Variants in SGCZ observed in about 807,000 individuals in gnomAD.
The protein encoded by SGCZ is sarcoglycan zeta.
Under a neutral mutation model 41.3 loss-of-function variants are expected in SGCZ, and 40 were observed. The ratio of observed to expected loss-of-function variants is 0.97; its 90% CI spans 0.75 to 1.26. The LOEUF (loss-of-function observed/expected upper bound fraction) is 1.26, where lower values mean the gene tolerates loss of function less well. SGCZ is among the 50% of genes most tolerant of loss of function. The probability of loss-of-function intolerance (pLI) is 0.00; values close to 1 mark genes in which losing one functional copy is unlikely to be tolerated. For missense variants in SGCZ, 552 were observed against 369.8 expected, an observed-to-expected ratio of 1.49 and a Z score of -4.04; for synonymous variants, 206 against 137.5, an observed-to-expected ratio of 1.50 and a Z score of -3.49.
At chr8:15,047,798 G>A (rs1241543127) in intron 1 of SGCZ, among the ~76,000 whole-genome samples, 6 of 151,798 alleles carry the variant, frequency 4.0e-5, no homozygotes, top group African/African-American at 7.3e-5. Context: ...TCATCGTACC[G>A]CAGTTAAAGT....
intron 1 of SGCZ, among the ~76,000 whole-genome samples, chr8:15,106,308 G>A (rs10503532): frequency 0.048 from 7,352 of 152,048 alleles, 236 homozygotes; most frequent in Non-Finnish European, 0.077. Context: ...TATAAGACAA[G>A]TTTTGAGAAC....
In SGCZ at chr8:14,978,470, CAAAAAAAAAAAAAAAAAAAAAAA is replaced by C. The variant is rs59543494; in HGVS notation, c.39+259092_39+259114del. On this transcript the variant is annotated intron_variant, in intron 1 of 7. Coordinates refer to ENST00000382080, the MANE Select transcript of SGCZ (RefSeq NM_139167.4). ...TGGAGGACCGAGTGAGACACCGTCACAAAAAAAAAAAAAAAAAAAAAAAAAAAAAAAAAAAATTGTATCTGCTT... is the reference window on the plus strand; with the variant it reads ...TGGAGGACCGAGTGAGACACCGTCACAAAAAAAAAAAAATTGTATCTGCTT... Among the ~76,000 whole-genome samples, 8 of 62,826 alleles carry C rather than the reference CAAAAAAAAAAAAAAAAAAAAAAA, an allele frequency of 1.3e-4. No homozygotes were observed. The East Asian group carries it at 4.8e-3, about 38-fold the overall frequency. 41.2% of individuals were successfully genotyped at this position (62,826 alleles called of 152,430 possible).
intron 4 of SGCZ, among the ~76,000 whole-genome samples, chr8:14,218,816 G>A (rs528756272): frequency 8.5e-4 from 129 of 152,330 alleles, no homozygotes; most frequent in African/African-American, 2.9e-3. Flanking sequence ...AATGTACAGT[G>A]TTGTGGTGGT....
intron 2 of SGCZ, among the ~76,000 whole-genome samples, chr8:14,469,031 G>A (rs1801133403): frequency 6.6e-6 from 1 of 151,102 alleles, no homozygotes; most frequent in East Asian, 1.9e-4. Context: ...CTCTTGGCCT[G>A]TTTCTTTCTA....
chr8:14,466,497 T>C (rs1801054535), intron 2 of SGCZ, among the ~76,000 whole-genome samples: 1 of 151,976 alleles, frequency 6.6e-6, no homozygotes, highest in Admixed American at 6.6e-5. Flanking sequence ...CCTTGGATCT[T>C]TATACTCTTG....
intron 2 of SGCZ, among the ~76,000 whole-genome samples, chr8:14,443,640 C>T (rs1800341552): frequency 6.6e-6 from 1 of 152,150 alleles, no homozygotes; most frequent in South Asian, 2.1e-4. Context: ...CCCTTCCTTA[C>T]ACCTTATATA....
intron 2 of SGCZ, among the ~76,000 whole-genome samples, chr8:14,450,681 G>T (rs2117401218): frequency 6.6e-6 from 1 of 152,246 alleles, no homozygotes; most frequent in East Asian, 1.9e-4. Context: ...TGACCACTTA[G>T]ATTTTAATTT....
In SGCZ at chr8:14,218,970, G is replaced by A. The variant is rs543975683; in HGVS notation, c.424+18622C>T. On this transcript the variant is annotated intron_variant, in intron 4 of 7. Coordinates refer to ENST00000382080, the MANE Select transcript of SGCZ (RefSeq NM_139167.4). Reference sequence around the variant, plus strand: ...CGGAGAAATTGCCAAAGAACTCAACGTTGACCGTTCTATGGTTGTTTGGCA... The same window carrying A: ...CGGAGAAATTGCCAAAGAACTCAACATTGACCGTTCTATGGTTGTTTGGCA... Among the ~76,000 whole-genome samples the A allele has an allele frequency of 1.2e-4, 19 of 152,338 alleles. No homozygotes were observed. In the East Asian group the frequency reaches 1.7e-3, roughly 14 times the overall value.
At chr8:14,499,999 G>C (rs1024677252) in intron 2 of SGCZ, among the ~76,000 whole-genome samples, 2 of 151,908 alleles carry the variant, frequency 1.3e-5, no homozygotes, top group African/African-American at 4.8e-5. Flanking sequence ...AAAATGAAGG[G>C]ACATTTAAAA....
At chr8:14,783,127 C>A (rs1800641572) in intron 1 of SGCZ, among the ~76,000 whole-genome samples, 1 of 151,840 alleles carries the variant, frequency 6.6e-6, no homozygotes, top group Non-Finnish European at 1.5e-5. Context: ...TAGGGAATTC[C>A]AAGAGATAGA....
chr8:14,441,568 C>A (rs888060231), intron 2 of SGCZ, among the ~76,000 whole-genome samples: 1 of 152,110 alleles, frequency 6.6e-6, no homozygotes, highest in Non-Finnish European at 1.5e-5. Context: ...AGCAAGACCC[C>A]ATCTCAAAAA....
intron 5 of SGCZ, among the ~76,000 whole-genome samples, chr8:14,121,750 GA>G (rs1802702886): frequency 6.6e-6 from 1 of 152,150 alleles, no homozygotes; most frequent in African/African-American, 2.4e-5. Flanking sequence ...TTGAGTTCCA[GA>G]TAAGTTTGGT....
At chr8:14,551,498 T>TATTAA (rs1563404310) in intron 2 of SGCZ, among the ~76,000 whole-genome samples, 1 of 10,006 alleles carries the variant, frequency 1.0e-4, no homozygotes, top group Non-Finnish European at 1.6e-4. Flanking sequence ...ATTATATATA[T>TATTAA]TATATATATT....
intron 2 of SGCZ, among the ~76,000 whole-genome samples, chr8:14,514,760 T>A (rs1242708998): frequency 1.4e-5 from 2 of 138,502 alleles, no homozygotes; most frequent in African/African-American, 5.5e-5. Flanking sequence ...TAAGTATGTG[T>A]AAATTTATAT....
chr8:14,296,632 A>C (rs146809656), intron 3 of SGCZ, among the ~76,000 whole-genome samples: 1 of 152,268 alleles, frequency 6.6e-6, no homozygotes, highest in Admixed American at 6.5e-5. Context: ...ATACAGACCC[A>C]TACAATGTTA....
intron 1 of SGCZ, among the ~76,000 whole-genome samples, chr8:15,122,725 C>T (rs1807527873): frequency 6.6e-6 from 1 of 152,166 alleles, no homozygotes; most frequent in East Asian, 1.9e-4. Flanking sequence ...ACTTTTTATA[C>T]TACTAAAAAA....
At chr8:14,461,151 T>A (rs1423968944) in intron 2 of SGCZ, among the ~76,000 whole-genome samples, 7 of 152,044 alleles carry the variant, frequency 4.6e-5, no homozygotes, top group Non-Finnish European at 7.4e-5. Flanking sequence ...GTCTGTAGGA[T>A]TCTCTGTCAG....
chr8:14,932,170 C>T (rs922465536), intron 1 of SGCZ, among the ~76,000 whole-genome samples: 6 of 151,780 alleles, frequency 4.0e-5, no homozygotes, highest in African/African-American at 1.5e-4. Flanking sequence ...TCTCTGGTGA[C>T]AATTGAAAAT....
At chr8:14,713,459 G>A (rs1390525858) in intron 1 of SGCZ, among the ~76,000 whole-genome samples, 2 of 152,098 alleles carry the variant, frequency 1.3e-5, no homozygotes, top group African/African-American at 2.4e-5. Flanking sequence ...AAATTATTGA[G>A]CTAGGACAAT....
Sources: gnomAD v4.1 joint callset for allele counts (sites outside exome capture counted in the v4.1 genomes callset) on GRCh38, gnomAD v4.1.1 for gene constraint, MANE v1.5 for transcripts, NCBI Gene and HGNC (gene_info 2026-07-23, HGNC 2026-07-21) for gene names.